LHFPL2: variants seen among roughly 807,000 people sequenced by gnomAD.
LHFPL2 encodes LHFPL tetraspan subfamily member 2 protein.
LHFPL2 carries 7 observed loss-of-function variants against 17.5 expected under a neutral mutation model. The observed-to-expected ratio is 0.40, with a 90% confidence interval of 0.23 to 0.75. LHFPL2 has a LOEUF of 0.75. LHFPL2 is among the 30% of genes least tolerant of loss of function. The probability of loss-of-function intolerance (pLI) is 0.37; values close to 1 mark genes in which losing one functional copy is unlikely to be tolerated. For missense variants in LHFPL2, 241 were observed against 294.8 expected, an observed-to-expected ratio of 0.82 and a Z score of 1.34; for synonymous variants, 134 against 116.2, an observed-to-expected ratio of 1.15 and a Z score of -0.99.
intron 3 of LHFPL2, among the ~76,000 whole-genome samples, chr5:78,539,682 G>T (rs1234115023): frequency 6.6e-6 from 1 of 152,094 alleles, no homozygotes; most frequent in African/African-American, 2.4e-5. Flanking sequence ...AGTCTGTGGG[G>T]TCTCCGGACA....
chr5:78,617,873 T>C (rs1359099744), intron 2 of LHFPL2, among the ~76,000 whole-genome samples: 2 of 151,050 alleles, frequency 1.3e-5, no homozygotes, highest in South Asian at 2.1e-4. Context: ...GTCTGCAGAG[T>C]GGGGCAAAAC....
At chr5:78,518,461 T>A (rs1755352917) in intron 3 of LHFPL2, among the ~76,000 whole-genome samples, 1 of 152,178 alleles carries the variant, frequency 6.6e-6, no homozygotes. Flanking sequence ...CTAGAGGAAA[T>A]CCCCAAATAT....
chr5:78,589,629 A>G (rs994075603), intron 2 of LHFPL2, among the ~76,000 whole-genome samples: 21 of 152,184 alleles, frequency 1.4e-4, no homozygotes, highest in African/African-American at 4.6e-4. Flanking sequence ...CTGCACCCGC[A>G]TGAATAGGTG....
chr5:78,582,019 G>A (rs1342310028), intron 2 of LHFPL2, among the ~76,000 whole-genome samples: 7 of 152,198 alleles, frequency 4.6e-5, no homozygotes, highest in South Asian at 4.1e-4. Context: ...TTAGTCTTGG[G>A]AGAGTGTATG....
At chr5:78,570,822 G>T (rs868368777) in intron 2 of LHFPL2, among the ~76,000 whole-genome samples, 2 of 152,002 alleles carry the variant, frequency 1.3e-5, no homozygotes, top group Admixed American at 1.3e-4. Flanking sequence ...CACACTTGGG[G>T]AATAGGCCAG....
intron 3 of LHFPL2, among the ~76,000 whole-genome samples, chr5:78,533,058 G>A (rs1755833295): frequency 6.6e-6 from 1 of 152,192 alleles, no homozygotes; most frequent in Non-Finnish European, 1.5e-5. Flanking sequence ...TCCACTCACA[G>A]CCTTACCGAT....
intron 2 of LHFPL2, among the ~76,000 whole-genome samples, chr5:78,610,026 G>A (rs1744363394): frequency 6.6e-6 from 1 of 152,042 alleles, no homozygotes; most frequent in Admixed American, 6.5e-5. Context: ...AAACCTGCCG[G>A]GGGATCAGAG....
At chr5:78,521,324 A>C (rs1317667977) in intron 3 of LHFPL2, among the ~76,000 whole-genome samples, 1 of 152,250 alleles carries the variant, frequency 6.6e-6, no homozygotes, top group Non-Finnish European at 1.5e-5. Flanking sequence ...ATTTACATCT[A>C]TCCAGGGGCA....
chr5:78,517,824 A>C (rs1328337246), intron 3 of LHFPL2, among the ~76,000 whole-genome samples: 1 of 152,236 alleles, frequency 6.6e-6, no homozygotes, highest in African/African-American at 2.4e-5. Flanking sequence ...CAGAGACGGA[A>C]GGTCCACTTG....
chr5:78,569,960 A>G (rs374336627), intron 2 of LHFPL2, among the ~76,000 whole-genome samples: 5 of 152,348 alleles, frequency 3.3e-5, no homozygotes, highest in African/African-American at 9.6e-5. Flanking sequence ...CACAAGTCAT[A>G]TTCAATTATA....
intron 4 of LHFPL2, among the ~76,000 whole-genome samples, chr5:78,490,167 A>G (rs763831717): frequency 1.3e-5 from 2 of 152,226 alleles, no homozygotes; most frequent in Non-Finnish European, 2.9e-5. Flanking sequence ...TTGTCATTTT[A>G]AACACCTATT....
At chr5:78,626,994 C>T (rs58925630) in intron 2 of LHFPL2, among the ~76,000 whole-genome samples, 1 of 152,152 alleles carries the variant, frequency 6.6e-6, no homozygotes, top group African/African-American at 2.4e-5. Flanking sequence ...GGCAGGAGAA[C>T]TGCTTGAACC....
chr5:78,599,973 A>C (rs1743956261), intron 2 of LHFPL2, among the ~76,000 whole-genome samples: 1 of 152,154 alleles, frequency 6.6e-6, no homozygotes, highest in Non-Finnish European at 1.5e-5. Flanking sequence ...TGATCAGGAA[A>C]ATCTTGTAAC....
At chr5:78,641,747 C>G (rs1335745658) in intron 1 of LHFPL2, among the ~76,000 whole-genome samples, 3 of 152,172 alleles carry the variant, frequency 2.0e-5, no homozygotes, top group Non-Finnish European at 4.4e-5. Context: ...TTCTCCTGAT[C>G]TAGCTGATTA....
Position 78,487,380 on chromosome 5 carries a change from C to T in LHFPL2, c.*1517G>A, listed in dbSNP as rs531150222. 2.0e-5 allele frequency: 3 copies of T among 152,326 alleles called. No homozygotes were observed. The South Asian group carries it at 6.2e-4, about 32-fold the overall frequency. 9.4% of individuals were successfully genotyped at this position (152,326 alleles called of 1,614,324 possible). A position where few individuals can be genotyped will look rare whatever the true frequency, so the allele number is the denominator to read the frequency against. ...AGTCAGGGTTGTATAGCTGGTAGCA[C>T]AATACCTTGTCCACAGAAGGTACTT... is the stretch of plus-strand genomic sequence containing the variant. On this transcript the variant is annotated 3_prime_UTR_variant, in exon 5 of 5. Transcript: ENST00000380345.
At chr5:78,624,311 C>T (rs527386078) in intron 2 of LHFPL2, among the ~76,000 whole-genome samples, 12 of 152,254 alleles carry the variant, frequency 7.9e-5, no homozygotes, top group South Asian at 2.1e-4. Context: ...AAGCAGGCAC[C>T]GGCAGAAGTC....
chr5:78,588,150 T>A (rs536570711), intron 2 of LHFPL2, among the ~76,000 whole-genome samples: 141 of 152,338 alleles, frequency 9.3e-4, no homozygotes, highest in Non-Finnish European at 1.8e-3. Flanking sequence ...CAAAACTAAC[T>A]TCCTGTGTCT....
chr5:78,572,235 A>G (rs996789382), intron 2 of LHFPL2, among the ~76,000 whole-genome samples: 2 of 151,980 alleles, frequency 1.3e-5, no homozygotes, highest in African/African-American at 4.8e-5. Context: ...GTCATATGAA[A>G]GAGTGAGATT....
In LHFPL2 at chr5:78,486,216, A is replaced by ATTGT. The variant is rs1256044623; in HGVS notation, c.*2677_*2680dup. On this transcript the variant is annotated 3_prime_UTR_variant, in exon 5 of 5. Coordinates refer to ENST00000380345, the MANE Select transcript of LHFPL2 (RefSeq NM_005779.3). ...AAAACCCTTATACAATTAATGCAAC[A>ATTGT]TTGTTTGAATTATTAGCACACAGGT... 3 of 152,730 alleles carry ATTGT rather than the reference A, an allele frequency of 2.0e-5. No individual in the cohort carries two copies. The highest frequency in any genetic ancestry group is 3.4e-3 in the Middle Eastern group (1 of 294). 9.5% of individuals were successfully genotyped at this position (152,730 alleles called of 1,614,324 possible).
Sources: gnomAD v4.1 joint callset for allele counts (sites outside exome capture counted in the v4.1 genomes callset) on GRCh38, gnomAD v4.1.1 for gene constraint, MANE v1.5 for transcripts, NCBI Gene and HGNC (gene_info 2026-07-23, HGNC 2026-07-21) for gene names.